LRRC74B: variants seen among roughly 807,000 people sequenced by gnomAD.
The protein encoded by LRRC74B is leucine rich repeat containing 74B.
In LRRC74B, 30 loss-of-function variants were observed where a neutral mutation model predicts 16.6. That is an observed-to-expected ratio of 1.80 (90% CI 1.35 to 2.45). LRRC74B has a LOEUF of 2.45. LRRC74B is among the 30% of genes most tolerant of loss of function. LRRC74B has a pLI of 0.00. For missense variants in LRRC74B, 326 were observed against 202.4 expected (o/e 1.61, Z -3.71); for synonymous variants, 134 against 86.0 (o/e 1.56, Z -3.09).
At chr22:21,063,412 C>T (rs528574608), downstream of LRRC74B, 2 of 152,182 alleles carry the variant, frequency 1.3e-5, no homozygotes, top group South Asian at 4.2e-4. Context: ...GAATATGGGA[C>T]TTCAGGCAGG....
At chr22:21,055,228 G>A (rs59416605) in intron 7 of LRRC74B, 52 bp downstream of exon 7, 1 of 697,656 alleles carries the variant, frequency 1.4e-6, no homozygotes, top group South Asian at 1.5e-5. Context: ...CCCTGTAACA[G>A]TCCACACAGA....
Position 21,050,516 on chromosome 22 carries a change from C to A in LRRC74B, c.622+1359C>A, listed in dbSNP as rs578224127. 4.0e-5 allele frequency among the ~76,000 whole-genome samples: 6 copies of A among 151,880 alleles called. No homozygotes were observed. The East Asian group carries it at 1.2e-3, about 30-fold the overall frequency. ...TGAGGTGGCCGGGCCCGGTGGCTCA[C>A]GCCTGTAATCCCAGCACTTTGGGAG... On this transcript the variant is annotated intron_variant, in intron 4 of 8. Transcript: ENST00000442047.
Position 21,055,097 on chromosome 22 carries a change from G to A in LRRC74B, c.849-1G>A. ...GCATGTGCCTGTTGTTTTTGTTGCA[G>A]TAACAACCGCATCTCTGCGATGGGA... is the stretch of plus-strand genomic sequence containing the variant. On this transcript the variant is annotated splice_acceptor_variant, in intron 6 of 8. Coordinates refer to ENST00000442047, the Ensembl canonical transcript of LRRC74B. LOFTEE classifies it high-confidence loss of function. 1 of 717,104 alleles carries A rather than the reference G, an allele frequency of 1.4e-6. No individual in the cohort carries two copies. The highest frequency in any genetic ancestry group is 2.6e-6 in the Non-Finnish European group (1 of 385,048). 44.4% of individuals were successfully genotyped at this position (717,104 alleles called of 1,614,324 possible). A position where few individuals can be genotyped will look rare whatever the true frequency, so the allele number is the denominator to read the frequency against.
intron 7 of LRRC74B, chr22:21,056,900 G>C: frequency 1.7e-6 from 1 of 575,624 alleles, no homozygotes; most frequent in Admixed American, 3.1e-5. Flanking sequence ...ATATCAATCG[G>C]AGGCCTCTCC....
intron 8 of LRRC74B, among the ~76,000 whole-genome samples, chr22:21,058,401 G>A (rs1278332981): frequency 6.6e-6 from 1 of 151,988 alleles, no homozygotes; most frequent in Non-Finnish European, 1.5e-5. Flanking sequence ...GTAGTTTCGG[G>A]TACTCAGAAG....
intron 7 of LRRC74B, among the ~76,000 whole-genome samples, chr22:21,056,332 T>C (rs1037182041): frequency 1.3e-5 from 2 of 151,832 alleles, no homozygotes; most frequent in African/African-American, 4.8e-5. Flanking sequence ...TGAAACCCTG[T>C]CTCTACTGAA....
chr22:21,063,386 T>G (rs979182617), downstream of LRRC74B: 2 of 152,048 alleles, frequency 1.3e-5, no homozygotes, highest in Non-Finnish European at 2.9e-5. Context: ...GCAGAATTTA[T>G]CAGGTCCGGA....
chr22:21,058,922 C>A (rs1405280991), intron 8 of LRRC74B, among the ~76,000 whole-genome samples: 2 of 152,272 alleles, frequency 1.3e-5, no homozygotes, highest in East Asian at 3.9e-4. Flanking sequence ...AGATCCTGGA[C>A]AAGATTCTGA....
chr22:21,054,349 G>T (rs1178229860), intron 6 of LRRC74B, among the ~76,000 whole-genome samples: 3 of 152,256 alleles, frequency 2.0e-5, no homozygotes, highest in Non-Finnish European at 4.4e-5. Context: ...CCCAGTGCCT[G>T]TTTTGCTCAG....
At chr22:21,046,833 T>C (rs1478760897) in intron 1 of LRRC74B, among the ~76,000 whole-genome samples, 1 of 152,028 alleles carries the variant, frequency 6.6e-6, no homozygotes, top group Non-Finnish European at 1.5e-5. Flanking sequence ...GGCTCACGCC[T>C]GTAATCACAG....
intron 7 of LRRC74B, 68 bp downstream of exon 7, chr22:21,055,244 C>T: frequency 1.5e-6 from 1 of 676,472 alleles, no homozygotes; most frequent in South Asian, 1.5e-5. Context: ...ACAGATCCCT[C>T]CCCCACAGCC....
downstream of LRRC74B, among the ~76,000 whole-genome samples, chr22:21,061,078 A>G (rs1176779768): frequency 6.6e-6 from 1 of 152,200 alleles, no homozygotes; most frequent in African/African-American, 2.4e-5. Context: ...TTGTAATCCC[A>G]GCCCTTTTGG....
Position 21,051,448 on chromosome 22 carries a change from C to T in LRRC74B, c.623-801C>T, listed in dbSNP as rs569213665. ...CCTCCTGAGTCGCTGGGACCACAGG[C>T]TCACACCACTGCCTGGCTTTCACCT... On this transcript the variant is annotated intron_variant, in intron 4 of 8. Transcript: ENST00000442047. 5.9e-5 allele frequency among the ~76,000 whole-genome samples: 9 copies of T among 152,284 alleles called. No homozygotes were observed. The South Asian group carries it at 1.9e-3, about 32-fold the overall frequency.
chr22:21,056,596 G>GCGCACACACA (rs1462295221), intron 7 of LRRC74B: 6 of 140,304 alleles, frequency 4.3e-5, no homozygotes, highest in South Asian at 4.7e-4. Context: ...CAAGCTTGGA[G>GCGCACACACA]CACACACACA....
chr22:21,064,072 CG>C (rs200857387), downstream of LRRC74B: 1,518 of 152,852 alleles, frequency 9.9e-3, 17 homozygotes, highest in Middle Eastern at 0.037. Context: ...TATCCATGCC[CG>C]GGGGCAATTG....
exon 2 of LRRC74B, chr22:21,047,366 G>T: frequency 1.4e-6 from 1 of 717,352 alleles, no homozygotes; most frequent in East Asian, 2.7e-5. Flanking sequence ...GCACCGATGG[G>T]CTTGGAGAAC....
chr22:21,054,660 CAGAG>C (rs1220146698), intron 6 of LRRC74B, among the ~76,000 whole-genome samples: 1 of 152,214 alleles, frequency 6.6e-6, no homozygotes, highest in Non-Finnish European at 1.5e-5. Context: ...TCTGAGAAGT[CAGAG>C]AGAAGCGGGA....
At chr22:21,054,040 C>T (rs1012506920) in intron 6 of LRRC74B, 2 of 152,208 alleles carry the variant, frequency 1.3e-5, no homozygotes, top group Admixed American at 6.5e-5. Context: ...AGAAGACGAG[C>T]CAGGGCCAGG....
chr22:21,057,470 A>T (rs535112406), intron 8 of LRRC74B, among the ~76,000 whole-genome samples: 1,598 of 150,972 alleles, frequency 0.011, 19 homozygotes, highest in African/African-American at 0.037. Context: ...TCTGGGCATG[A>T]TGCTCCCTAT....
Sources: allele counts gnomAD v4.1 joint callset (sites outside exome capture counted in the v4.1 genomes callset), GRCh38; gene constraint gnomAD v4.1.1; transcripts MANE v1.5; gene names NCBI Gene and HGNC (gene_info 2026-07-23, HGNC 2026-07-21).